Variants in NFASC observed in about 807,000 individuals in gnomAD.
NFASC encodes neurofascin, also known as neurofascin homolog.
A neutral mutation model predicts 147.5 loss-of-function variants in NFASC; 43 were observed. The observed-to-expected ratio is 0.29, with a 90% CI of 0.23 to 0.38. NFASC has a LOEUF of 0.38. Ranked by LOEUF, NFASC falls within the 10% of genes least tolerant of loss-of-function variation. The pLI, the probability that NFASC is intolerant of heterozygous loss-of-function variation, is 1.00. For missense variants in NFASC, 1,320 were observed against 1,689.0 expected, an observed-to-expected ratio of 0.78 and a Z score of 3.83; for synonymous variants, 622 against 665.5, an observed-to-expected ratio of 0.93 and a Z score of 1.01.
chr1:204,875,663 C>T (rs1221685010), intron 1 of NFASC, among the ~76,000 whole-genome samples: 4 of 147,746 alleles, frequency 2.7e-5, no homozygotes, highest in Non-Finnish European at 5.9e-5. Context: ...TGCTCCCCTG[C>T]CCTTTCCCCC....
chr1:204,885,738 G>A (rs1484975989), intron 1 of NFASC, among the ~76,000 whole-genome samples: 1 of 152,148 alleles, frequency 6.6e-6, no homozygotes, highest in Non-Finnish European at 1.5e-5. Context: ...CTAAGTTCTG[G>A]TTCAGTTTGT....
intron 1 of NFASC, among the ~76,000 whole-genome samples, chr1:204,831,355 C>T (rs12072867): frequency 0.044 from 6,562 of 149,874 alleles, 487 homozygotes; most frequent in African/African-American, 0.15. Context: ...GAACTGGCTG[C>T]GCTCACAAGG....
At chr1:204,913,238 T>C (rs1037531464) in intron 1 of NFASC, among the ~76,000 whole-genome samples, 3 of 152,286 alleles carry the variant, frequency 2.0e-5, no homozygotes, top group African/African-American at 7.2e-5. Context: ...CATATCACAT[T>C]CTTAGAGTCA....
In NFASC at chr1:204,975,837, T is replaced by G. The variant is rs2095389820; in HGVS notation, c.1706+419T>G. Among the ~76,000 whole-genome samples, 1 of 152,170 alleles carries G rather than the reference T, an allele frequency of 6.6e-6. No homozygotes were observed. Among genetic ancestry groups the G allele is most frequent in the Admixed American group, 6.5e-5 (1 of 15,288 alleles). On this transcript the variant is annotated intron_variant, in intron 15 of 29. Transcript: ENST00000339876. This position sits in a 1 kb window ranked among gnomAD's most constrained non-coding sequence, Gnocchi z 4.0. The stretch of plus-strand genomic sequence containing the variant: ...TCTTCAGCAGAGGGCAGGGTTGATC[T>G]GAGCCAGCTCTCAGCCCTGACTGAA...
intron 1 of NFASC, among the ~76,000 whole-genome samples, chr1:204,868,689 G>C (rs2077319273): frequency 6.6e-6 from 1 of 152,320 alleles, no homozygotes; most frequent in African/African-American, 2.4e-5. Context: ...GAACTGCAAA[G>C]CGATGGCTTC....
chr1:204,937,192 G>C, intron 2 of NFASC, among the ~76,000 whole-genome samples: 1 of 151,368 alleles, frequency 6.6e-6, no homozygotes, highest in East Asian at 1.9e-4. Flanking sequence ...TAGGTTCAAG[G>C]TACAGAGAGT....
intron 28 of NFASC, among the ~76,000 whole-genome samples, chr1:205,012,362 C>T (rs974602195): frequency 6.6e-6 from 1 of 152,200 alleles, no homozygotes; most frequent in Non-Finnish European, 1.5e-5. Flanking sequence ...CACACAGACC[C>T]CCACCCTTGA....
intron 1 of NFASC, among the ~76,000 whole-genome samples, chr1:204,899,935 A>G (rs2084185549): frequency 6.6e-6 from 1 of 152,294 alleles, no homozygotes; most frequent in Non-Finnish European, 1.5e-5. Context: ...TTGAGCTTCA[A>G]TTTTCTCATC....
chr1:204,914,841 A>G (rs191974533), intron 1 of NFASC, among the ~76,000 whole-genome samples: 2 of 152,358 alleles, frequency 1.3e-5, no homozygotes, highest in South Asian at 2.1e-4. Context: ...TCTTGCAAAT[A>G]TAAGAATCAC....
chr1:204,832,236 C>G (rs1672424040), intron 1 of NFASC, among the ~76,000 whole-genome samples: 1 of 152,172 alleles, frequency 6.6e-6, no homozygotes, highest in Non-Finnish European at 1.5e-5. Context: ...GTCGAGGCTG[C>G]TTAACTCTCC....
At chr1:204,845,203 T>C (rs1216473664) in intron 1 of NFASC, among the ~76,000 whole-genome samples, 5 of 151,566 alleles carry the variant, frequency 3.3e-5, no homozygotes, top group African/African-American at 1.2e-4. Flanking sequence ...AAAGTGGCGG[T>C]GTATGTCCGA....
intron 1 of NFASC, among the ~76,000 whole-genome samples, chr1:204,909,747 G>A (rs780725145): frequency 2.0e-5 from 3 of 152,080 alleles, no homozygotes; most frequent in Non-Finnish European, 4.4e-5. Flanking sequence ...CTTTGTATAA[G>A]GACTTAGGTT....
At chr1:204,845,633 G>A (rs756655359) in intron 1 of NFASC, among the ~76,000 whole-genome samples, 1 of 152,128 alleles carries the variant, frequency 6.6e-6, no homozygotes, top group Non-Finnish European at 1.5e-5. Context: ...CAGGCATGGT[G>A]GTTCACACCT....
rs907477561 is a variant in NFASC, at chr1:204,986,833, C to G, written c.2471-585C>G. 10 of 155,248 alleles carry G rather than the reference C, an allele frequency of 6.4e-5. No homozygotes were observed. The highest frequency in any genetic ancestry group is 2.2e-4 in the African/African-American group (9 of 41,440). 9.6% of individuals were successfully genotyped at this position (155,248 alleles called of 1,614,324 possible). A position where few individuals can be genotyped will look rare whatever the true frequency, so the allele number is the denominator to read the frequency against. On this transcript the variant is annotated intron_variant, in intron 21 of 29. Transcript: ENST00000339876. The surrounding 1 kb of genome is among the most constrained non-coding windows in gnomAD (Gnocchi z 4.2). ...TTCCTCCTGTCCTCTGTTCTTCCCT[C>G]TTGTTCTCTTTATCCCTGTCTTTCC...
At chr1:204,880,001 C>G (rs2079837571) in intron 1 of NFASC, among the ~76,000 whole-genome samples, 1 of 152,082 alleles carries the variant, frequency 6.6e-6, no homozygotes, top group Non-Finnish European at 1.5e-5. Flanking sequence ...GCTTGGCAGG[C>G]TTATTCTCTG....
chr1:204,899,306 G>A (rs909078075), intron 1 of NFASC, among the ~76,000 whole-genome samples: 1 of 152,182 alleles, frequency 6.6e-6, no homozygotes, highest in East Asian at 1.9e-4. Flanking sequence ...AAACAGCAAC[G>A]TCCTCTTCAT....
At chr1:204,920,057 C>G (rs973998997) in intron 1 of NFASC, among the ~76,000 whole-genome samples, 3 of 152,182 alleles carry the variant, frequency 2.0e-5, no homozygotes, top group African/African-American at 7.2e-5. Flanking sequence ...ATGCCTTCTC[C>G]CCATGTTACA....
rs758550386 is a variant in NFASC, at chr1:205,001,226, A to G, written c.3076A>G (p.Asn1026Asp). 1.2e-6 allele frequency: 2 copies of G among 1,613,058 alleles called. No individual in the cohort carries two copies. Among genetic ancestry groups the G allele is most frequent in the Non-Finnish European group, 1.7e-6 (2 of 1,179,538 alleles). The change falls in exon 26 of 30, where the codon AAC (asparagine) becomes GAC (aspartate). Residue 1026 changes from asparagine (N) to aspartate (D), a missense_variant. Around this residue, in one of 3 missense-constraint regions of NFASC, gnomAD observed 172 missense variants for 165.8 expected, o/e 1.04. Coordinates refer to ENST00000339876, the MANE Select transcript of NFASC (RefSeq NM_001005388.3). ...VTVLPNSKWA[N>D]ITWKHNFGPG... Reference sequence around the variant, plus strand: ...GGTGCTCCCCAACAGTAAATGGGCCAACATCACCTGGAAGCACAATTTCGG... The same window carrying G: ...GGTGCTCCCCAACAGTAAATGGGCCGACATCACCTGGAAGCACAATTTCGG...
intron 1 of NFASC, among the ~76,000 whole-genome samples, chr1:204,834,329 C>T (rs1423792446): frequency 6.6e-6 from 1 of 152,218 alleles, no homozygotes; most frequent in African/African-American, 2.4e-5. Context: ...GTCCCACAGC[C>T]TGTGTTTCTG....
Sources: allele counts gnomAD v4.1 joint callset (sites outside exome capture counted in the v4.1 genomes callset), GRCh38; gene constraint gnomAD v4.1.1; regional missense constraint gnomAD v4.1.1; non-coding constraint Gnocchi (gnomAD v3.1); transcripts MANE v1.5; gene names NCBI Gene and HGNC (gene_info 2026-07-23, HGNC 2026-07-21).